The following UMAD1 variants were observed in gnomAD, a reference collection of about 807,000 sequenced individuals.
The protein encoded by UMAD1 is UBAP1-MVB12-associated (UMA)-domain containing protein 1.
A neutral mutation model predicts 6.1 loss-of-function variants in UMAD1; 8 were observed. That is an observed-to-expected ratio of 1.30 (90% confidence interval 0.76 to 2.35). The LOEUF (loss-of-function observed/expected upper bound fraction) is 2.35, where lower values mean the gene tolerates loss of function less well. UMAD1 is among the 30% of genes most tolerant of loss of function. The pLI, the probability that UMAD1 is intolerant of heterozygous loss-of-function variation, is 0.00. For missense variants in UMAD1, 130 were observed against 78.4 expected (o/e 1.66, Z -2.49); for synonymous variants, 56 against 31.4 (o/e 1.78, Z -2.61).
At chr7:7,746,153 C>T (rs1420217769) in intron 2 of UMAD1, among the ~76,000 whole-genome samples, 1 of 152,186 alleles carries the variant, frequency 6.6e-6, no homozygotes, top group Non-Finnish European at 1.5e-5. Flanking sequence ...GGTTTGCATG[C>T]ACCGTAGAGT....
chr7:7,673,930 CA>C (rs978566509), intron 2 of UMAD1, among the ~76,000 whole-genome samples: 3 of 152,134 alleles, frequency 2.0e-5, no homozygotes, highest in African/African-American at 7.2e-5. Flanking sequence ...TTAATACCTG[CA>C]AATTTTAAAG....
chr7:7,842,402 G>A (rs1360865801), intron 3 of UMAD1, among the ~76,000 whole-genome samples: 1 of 151,768 alleles, frequency 6.6e-6, no homozygotes, highest in South Asian at 2.1e-4. Flanking sequence ...AAGCACAACC[G>A]AGACCTAGAC....
intron 2 of UMAD1, among the ~76,000 whole-genome samples, chr7:7,695,964 C>G: frequency 6.7e-6 from 1 of 149,292 alleles, no homozygotes; most frequent in Non-Finnish European, 1.5e-5. Context: ...CTTTTAAACC[C>G]TACTGTGTAT....
At chr7:7,837,846 C>G (rs1215745037) in intron 3 of UMAD1, among the ~76,000 whole-genome samples, 1 of 152,020 alleles carries the variant, frequency 6.6e-6, no homozygotes, top group African/African-American at 2.4e-5. Flanking sequence ...CGTGAAAACC[C>G]TACATAAGGG....
At chr7:7,724,293 A>G (rs1403334279) in intron 2 of UMAD1, among the ~76,000 whole-genome samples, 1 of 152,172 alleles carries the variant, frequency 6.6e-6, no homozygotes, top group East Asian at 1.9e-4. Flanking sequence ...TATGGAGGTC[A>G]GGTAATTAAT....
chr7:7,778,918 C>T (rs1406857001), intron 2 of UMAD1, among the ~76,000 whole-genome samples: 2 of 152,084 alleles, frequency 1.3e-5, no homozygotes, highest in African/African-American at 4.8e-5. Context: ...TAAGGGTTTC[C>T]TCTGTGCCAC....
intron 3 of UMAD1, among the ~76,000 whole-genome samples, chr7:7,822,457 G>T (rs1268904035): frequency 6.6e-6 from 1 of 151,888 alleles, no homozygotes; most frequent in African/African-American, 2.4e-5. Flanking sequence ...TCATGCAAAG[G>T]ACCATACAAT....
At chr7:7,822,274 A>G (rs1783255356) in intron 3 of UMAD1, among the ~76,000 whole-genome samples, 1 of 152,090 alleles carries the variant, frequency 6.6e-6, no homozygotes, top group South Asian at 2.1e-4. Flanking sequence ...CAGTTGGGTA[A>G]ATGCTGATAA....
intron 2 of UMAD1, among the ~76,000 whole-genome samples, chr7:7,747,604 C>T (rs1781596920): frequency 6.6e-6 from 1 of 152,100 alleles, no homozygotes; most frequent in African/African-American, 2.4e-5. Context: ...GCCTTTTAGG[C>T]AATTGAAACT....
intron 2 of UMAD1, among the ~76,000 whole-genome samples, chr7:7,699,156 G>T (rs1780394601): frequency 6.6e-6 from 1 of 151,976 alleles, no homozygotes; most frequent in African/African-American, 2.4e-5. Context: ...GCCTGGCTGG[G>T]TTCCCCCAAC....
chr7:7,835,501 A>G (rs1411924402), intron 3 of UMAD1, among the ~76,000 whole-genome samples: 4 of 28,136 alleles, frequency 1.4e-4, no homozygotes, highest in African/African-American at 4.5e-4. Context: ...TTTTTTTTTT[A>G]GCTCTTAGCA....
chr7:7,682,810 T>G (rs913513936), intron 2 of UMAD1, among the ~76,000 whole-genome samples: 1 of 152,244 alleles, frequency 6.6e-6, no homozygotes, highest in Non-Finnish European at 1.5e-5. Context: ...ACTTTTGACC[T>G]TTAAATTGCA....
intron 2 of UMAD1, among the ~76,000 whole-genome samples, chr7:7,721,638 A>T (rs1214369325): frequency 6.6e-6 from 1 of 152,150 alleles, no homozygotes; most frequent in African/African-American, 2.4e-5. Context: ...CCCAGGAAAG[A>T]TCTCTGCAGA....
intron 3 of UMAD1, among the ~76,000 whole-genome samples, chr7:7,827,137 A>ATG (rs374866603): frequency 0.026 from 3,346 of 129,466 alleles, 64 homozygotes; most frequent in East Asian, 0.05. Flanking sequence ...ATATATATAT[A>ATG]TATATATATA....
chr7:7,737,962 G>A lies in UMAD1; in HGVS notation c.83-63708G>A, dbSNP rs112618667. Among the ~76,000 whole-genome samples, 7 of 152,290 alleles carry A rather than the reference G, an allele frequency of 4.6e-5. 1 individual carries two copies. Among genetic ancestry groups the A allele is most frequent in the African/African-American group, 1.7e-4 (7 of 41,568 alleles). Reference sequence around the variant, plus strand: ...ATTATTCTGCAGTGGAAAATTTAGTGTCACTAAAACTTTGTCCTGCTAGTC... The same window carrying A: ...ATTATTCTGCAGTGGAAAATTTAGTATCACTAAAACTTTGTCCTGCTAGTC... On this transcript the variant is annotated intron_variant, in intron 2 of 3. Coordinates refer to ENST00000682710, the MANE Select transcript of UMAD1 (RefSeq NM_001302348.2).
chr7:7,843,458 A>G (rs1783722941), intron 3 of UMAD1, among the ~76,000 whole-genome samples: 2 of 151,944 alleles, frequency 1.3e-5, no homozygotes, highest in South Asian at 4.1e-4. Flanking sequence ...AGCTTTGTGT[A>G]CCTCCCTGTT....
At chr7:7,835,063 A>G (rs1431907750) in intron 3 of UMAD1, among the ~76,000 whole-genome samples, 1 of 152,298 alleles carries the variant, frequency 6.6e-6, no homozygotes, top group South Asian at 2.1e-4. Context: ...CTCTCAATAG[A>G]TGGGGTTTAC....
chr7:7,872,470 G>C (rs762715486), intron 3 of UMAD1, among the ~76,000 whole-genome samples: 1 of 152,182 alleles, frequency 6.6e-6, no homozygotes, highest in Admixed American at 6.5e-5. Context: ...GGCATGGTTC[G>C]TGGCACTGCA....
intron 3 of UMAD1, among the ~76,000 whole-genome samples, chr7:7,807,912 G>T (rs1293857726): frequency 6.6e-6 from 1 of 151,966 alleles, no homozygotes; most frequent in East Asian, 1.9e-4. Context: ...AGTTTCCTAT[G>T]TATCATCCTA....
Sources: allele counts gnomAD v4.1 joint callset (sites outside exome capture counted in the v4.1 genomes callset), GRCh38; gene constraint gnomAD v4.1.1; transcripts MANE v1.5; gene names NCBI Gene and HGNC (gene_info 2026-07-23, HGNC 2026-07-21).